The following WDR72 variants were observed in gnomAD, a reference collection of about 807,000 sequenced individuals.
WDR72 encodes the protein WD repeat domain 72, also known as WD repeat-containing protein 72.
A neutral mutation model predicts 124.2 loss-of-function variants in WDR72; 120 were observed. The ratio of observed to expected loss-of-function variants is 0.97; its 90% confidence interval spans 0.83 to 1.12. WDR72 has a LOEUF of 1.12. WDR72 is among the 50% of genes most tolerant of loss of function. The pLI, the probability that WDR72 is intolerant of heterozygous loss-of-function variation, is 0.00. For missense variants in WDR72, 1,387 were observed against 1,278.8 expected (o/e 1.08, Z -1.29); for synonymous variants, 452 against 441.7 (o/e 1.02, Z -0.29).
intron 1 of WDR72, among the ~76,000 whole-genome samples, chr15:53,739,282 T>C (rs1037811199): frequency 3.9e-5 from 6 of 152,104 alleles, no homozygotes; most frequent in African/African-American, 1.4e-4. Flanking sequence ...CCACAAAACC[T>C]GCCATTAAAG....
At chr15:53,616,324 T>A in intron 14 of WDR72, 81 bp from the exon 15 acceptor site, 2 of 1,210,626 alleles carry the variant, frequency 1.7e-6, no homozygotes, top group Non-Finnish European at 2.4e-6. Flanking sequence ...GTGGCATTTT[T>A]AAAAAGTATT....
At chr15:53,677,757 G>A (rs1261444811) in intron 13 of WDR72, among the ~76,000 whole-genome samples, 1 of 152,170 alleles carries the variant, frequency 6.6e-6, no homozygotes, top group Non-Finnish European at 1.5e-5. Context: ...AGTCTCAGGT[G>A]TGAGAACAGA....
intron 18 of WDR72, among the ~76,000 whole-genome samples, chr15:53,563,494 G>T (rs1894194607): frequency 6.6e-6 from 1 of 151,732 alleles, no homozygotes; most frequent in Non-Finnish European, 1.5e-5. Context: ...GGGGGTACAT[G>T]TGAAGGTTTG....
chr15:53,683,696 A>G (rs1313531836), intron 13 of WDR72, among the ~76,000 whole-genome samples: 1 of 152,144 alleles, frequency 6.6e-6, no homozygotes, highest in African/African-American at 2.4e-5. Context: ...ATTTATAATT[A>G]CTTGGGTAAG....
At chr15:53,589,282 T>C (rs1467253728) in intron 18 of WDR72, among the ~76,000 whole-genome samples, 2 of 73,562 alleles carry the variant, frequency 2.7e-5, no homozygotes, top group African/African-American at 7.4e-5. Flanking sequence ...TAACACGAAT[T>C]TCAGTTTGTA....
At chr15:53,641,677 A>C (rs1461120635) in intron 14 of WDR72, among the ~76,000 whole-genome samples, 1 of 151,966 alleles carries the variant, frequency 6.6e-6, no homozygotes, top group Non-Finnish European at 1.5e-5. Flanking sequence ...ATATGGTTTC[A>C]TATGGCTCTT....
At chr15:53,745,117 C>T (rs532966139) in intron 1 of WDR72, among the ~76,000 whole-genome samples, 1 of 150,292 alleles carries the variant, frequency 6.7e-6, no homozygotes, top group Non-Finnish European at 1.5e-5. Context: ...TAGTAACTTG[C>T]AAATATTCTT....
At chr15:53,690,352 T>G (rs1328629519) in intron 13 of WDR72, among the ~76,000 whole-genome samples, 2 of 152,216 alleles carry the variant, frequency 1.3e-5, no homozygotes, top group Non-Finnish European at 2.9e-5. Context: ...CAATGTTGTG[T>G]AACCACCAAC....
intron 13 of WDR72, among the ~76,000 whole-genome samples, chr15:53,679,782 A>C (rs2016313420): frequency 6.6e-6 from 1 of 152,188 alleles, no homozygotes; most frequent in Non-Finnish European, 1.5e-5. Flanking sequence ...AAATAATAGA[A>C]GCCCACAATT....
Position 53,639,471 on chromosome 15 carries a change from A to AATAAAATTTTATATAATTTTATTTATTT in WDR72, c.1963-23256_1963-23229dup, listed in dbSNP as rs1260318339. The stretch of plus-strand genomic sequence containing the variant: ...CTACAGATAATTAAAAATTATATAA[A>AATAAAATTTTATATAATTTTATTTATTT]ATAAAATTTTATATAATTTTATTTA... On this transcript the variant is annotated intron_variant, in intron 14 of 19. Transcript: ENST00000360509. Among the ~76,000 whole-genome samples, 14 of 50,812 alleles carry AATAAAATTTTATATAATTTTATTTATTT rather than the reference A, an allele frequency of 2.8e-4. No individual in the cohort carries two copies. In the South Asian group the frequency reaches 8.9e-3, roughly 32 times the overall value. The allele number at this position is 50,812 out of a possible 152,430, so 33.3% of individuals were successfully genotyped here.
chr15:53,657,993 A>G (rs2015486447), intron 14 of WDR72, among the ~76,000 whole-genome samples: 2 of 152,204 alleles, frequency 1.3e-5, no homozygotes, highest in Admixed American at 6.5e-5. Flanking sequence ...TGAAAAAGGC[A>G]TTTGAGAAAG....
rs771064286 is a variant in WDR72, at chr15:53,702,278, C to T, written c.1425G>A (p.Ser475=). The T allele has an allele frequency of 1.7e-5, 27 of 1,613,896 alleles. No individual in the cohort carries two copies. The Admixed American group carries it at 2.8e-4, about 17-fold the overall frequency. Residue 475 remains serine, a synonymous_variant, in exon 12 of 20, where the codon TCG becomes TCA. Transcript: ENST00000360509. ...ACAACATCCAACTTTGGTCTAATTT[C>T]GAAGAGAGACCATGTGGATAGAGTA... is the stretch of plus-strand genomic sequence containing the variant. ...TSLLYPHGLS[S]KLDQSWMLSG... is the part of the protein sequence containing the mutation.
At chr15:53,553,354 C>A (rs920104060) in intron 18 of WDR72, among the ~76,000 whole-genome samples, 1 of 152,198 alleles carries the variant, frequency 6.6e-6, no homozygotes, top group African/African-American at 2.4e-5. Flanking sequence ...ACCAAGACAG[C>A]TCAGCTAATG....
chr15:53,523,147 C>A lies in WDR72; in HGVS notation c.3253+71G>T. On this transcript the variant is annotated intron_variant, in intron 19 of 19. Transcript: ENST00000360509. ...GCATTACAATGTCCTCTCCCCTCAC[C>A]CCCTTCCAAGGACCCCAAAGCTGTG... is the stretch of plus-strand genomic sequence containing the variant. The A allele has an allele frequency of 2.1e-6, 3 of 1,418,576 alleles. No homozygotes were observed. The South Asian group carries it at 3.4e-5, about 16-fold the overall frequency. The allele number at this position is 1,418,576 out of a possible 1,614,324, so 87.9% of individuals were successfully genotyped here. A position where few individuals can be genotyped will look rare whatever the true frequency, so the allele number is the denominator to read the frequency against.
intron 3 of WDR72, 106 bp downstream of exon 3, chr15:53,722,696 C>T: frequency 2.1e-6 from 2 of 936,324 alleles, no homozygotes; most frequent in East Asian, 2.4e-5. Flanking sequence ...GTGAGAGGCA[C>T]ATGTTGATCA....
chr15:53,730,155 G>GTA (rs1297393282), intron 2 of WDR72, among the ~76,000 whole-genome samples: 4 of 152,044 alleles, frequency 2.6e-5, no homozygotes, highest in East Asian at 1.9e-4. Flanking sequence ...ACAAAATGTG[G>GTA]TATATATATA....
intron 18 of WDR72, among the ~76,000 whole-genome samples, chr15:53,576,256 T>C (rs1282013378): frequency 6.6e-6 from 1 of 152,208 alleles, no homozygotes; most frequent in Non-Finnish European, 1.5e-5. Flanking sequence ...AACCAGTGTA[T>C]GCCTCTTCAT....
chr15:53,729,854 C>T (rs2018151091), intron 2 of WDR72, among the ~76,000 whole-genome samples: 1 of 152,056 alleles, frequency 6.6e-6, no homozygotes, highest in African/African-American at 2.4e-5. Context: ...ATTGGTTGCC[C>T]TGTGTACTGC....
chr15:53,747,122 A>G (rs1463002527), intron 1 of WDR72, among the ~76,000 whole-genome samples: 1 of 152,212 alleles, frequency 6.6e-6, no homozygotes. Flanking sequence ...TCAGTCCATG[A>G]GAACATACCA....
Sources: allele counts gnomAD v4.1 joint callset (sites outside exome capture counted in the v4.1 genomes callset), GRCh38; gene constraint gnomAD v4.1.1; transcripts MANE v1.5; gene names NCBI Gene and HGNC (gene_info 2026-07-23, HGNC 2026-07-21).